Variants in SPMIP2 observed in about 807,000 individuals in gnomAD.
SPMIP2 encodes the protein protein SPMIP2.
At chr4:158,969,967 T>TAGACAGATAAGAAACTGGAGAACG in the SPMIP2 span, among the ~76,000 whole-genome samples, 1 of 151,830 alleles carries the variant, frequency 6.6e-6, no homozygotes, top group East Asian at 1.9e-4. Context: ...AAAGGGTCTA[T>TAGACAGATAAGAAACTGGAGAACG]AGACAGATAA....
At chr4:158,931,697 A>G in the SPMIP2 span, among the ~76,000 whole-genome samples, 19 of 151,796 alleles carry the variant, frequency 1.3e-4, no homozygotes, top group African/African-American at 3.9e-4. Flanking sequence ...CAAGTAGCTG[A>G]GACTACAGGT....
At chr4:158,952,587 GAA>G in the SPMIP2 span, among the ~76,000 whole-genome samples, 1 of 152,194 alleles carries the variant, frequency 6.6e-6, no homozygotes, top group Non-Finnish European at 1.5e-5. Context: ...GGGTGTTACT[GAA>G]AAGATACCCT....
chr4:159,060,278 G>C, the SPMIP2 span, among the ~76,000 whole-genome samples: 1 of 152,158 alleles, frequency 6.6e-6, no homozygotes, highest in Non-Finnish European at 1.5e-5. Flanking sequence ...GAGGCCTAGT[G>C]GGGAGGGGAG....
At chr4:159,004,484 T>C in the SPMIP2 span, among the ~76,000 whole-genome samples, 8 of 152,022 alleles carry the variant, frequency 5.3e-5, no homozygotes, top group South Asian at 1.7e-3. Context: ...AGAGACGGGG[T>C]TTTGCCATGT....
the SPMIP2 span, among the ~76,000 whole-genome samples, chr4:159,037,210 G>C: frequency 6.6e-6 from 1 of 152,116 alleles, no homozygotes; most frequent in East Asian, 1.9e-4. Context: ...CATTCTGATG[G>C]CAAAGGCTGG....
the SPMIP2 span, among the ~76,000 whole-genome samples, chr4:158,943,858 C>CTT: frequency 8.8e-5 from 9 of 101,910 alleles, no homozygotes; most frequent in South Asian, 1.4e-3. Flanking sequence ...TTGACATTTT[C>CTT]TTTTTTTTTT....
At chr4:158,975,701 C>T in the SPMIP2 span, among the ~76,000 whole-genome samples, 3 of 152,130 alleles carry the variant, frequency 2.0e-5, no homozygotes, top group African/African-American at 7.2e-5. Flanking sequence ...GGTTATGTAG[C>T]CTTGTACTAT....
chr4:158,922,219 G>T, the SPMIP2 span, among the ~76,000 whole-genome samples: 9 of 152,132 alleles, frequency 5.9e-5, no homozygotes, highest in Admixed American at 5.9e-4. Flanking sequence ...CTGCCTCCTT[G>T]TCTATAACCA....
At chr4:158,920,827 T>C in the SPMIP2 span, among the ~76,000 whole-genome samples, 1 of 152,206 alleles carries the variant, frequency 6.6e-6, no homozygotes, top group Non-Finnish European at 1.5e-5. Flanking sequence ...AAGCATGTGA[T>C]CTTTGTTCTG....
the SPMIP2 span, among the ~76,000 whole-genome samples, chr4:158,942,999 T>A: frequency 6.6e-6 from 1 of 152,346 alleles, no homozygotes; most frequent in East Asian, 1.9e-4. Flanking sequence ...ACATTAGTGA[T>A]GCTGTTTGAA....
At chr4:158,985,560 A>T in the SPMIP2 span, among the ~76,000 whole-genome samples, 1 of 152,238 alleles carries the variant, frequency 6.6e-6, no homozygotes, top group Non-Finnish European at 1.5e-5. Flanking sequence ...AGATGCAGAA[A>T]AGGCCTTTGA....
the SPMIP2 span, chr4:158,896,010 G>T: frequency 4.9e-6 from 3 of 616,256 alleles, no homozygotes; most frequent in Non-Finnish European, 8.9e-6. Flanking sequence ...ACGTGCCTCT[G>T]CAACTCCCCA....
chr4:159,055,556 G>A, the SPMIP2 span, among the ~76,000 whole-genome samples: 7 of 151,954 alleles, frequency 4.6e-5, no homozygotes, highest in Admixed American at 3.3e-4. Context: ...AAAAAAATAC[G>A]AAAATTAGCT....
the SPMIP2 span, among the ~76,000 whole-genome samples, chr4:158,971,395 A>G: frequency 1.3e-5 from 2 of 152,190 alleles, no homozygotes; most frequent in South Asian, 2.1e-4. Context: ...GAACCTAAGC[A>G]TTCATTATAC....
chr4:159,047,335 G>A, the SPMIP2 span, among the ~76,000 whole-genome samples: 447 of 152,018 alleles, frequency 2.9e-3, 1 homozygote, highest in African/African-American at 0.01. Context: ...ATTTGTGTCT[G>A]AAACCATATA....
chr4:159,060,413 G>A, the SPMIP2 span, among the ~76,000 whole-genome samples: 1 of 152,214 alleles, frequency 6.6e-6, no homozygotes, highest in Non-Finnish European at 1.5e-5. Context: ...GGCTGTTAAG[G>A]CAGATGTAAT....
the SPMIP2 span, among the ~76,000 whole-genome samples, chr4:159,033,599 A>AT: frequency 6.6e-6 from 1 of 152,190 alleles, no homozygotes; most frequent in Admixed American, 6.5e-5. Context: ...TTTGGAAATG[A>AT]ATAGAGTTTA....
At chr4:159,001,598 T>G in the SPMIP2 span, among the ~76,000 whole-genome samples, 1 of 152,196 alleles carries the variant, frequency 6.6e-6, no homozygotes, top group Admixed American at 6.5e-5. Flanking sequence ...CATGCAGTAT[T>G]TGGTTTTCTA....
chr4:159,006,714 TAAAGAC>T, the SPMIP2 span, among the ~76,000 whole-genome samples: 2 of 152,154 alleles, frequency 1.3e-5, no homozygotes, highest in African/African-American at 4.8e-5. Flanking sequence ...AAAAGAAACT[TAAAGAC>T]AGAGGTTTTA....
Sources: allele counts gnomAD v4.1 joint callset (sites outside exome capture counted in the v4.1 genomes callset), GRCh38; gene constraint gnomAD v4.1.1; transcripts MANE v1.5; gene names NCBI Gene and HGNC (gene_info 2026-07-23, HGNC 2026-07-21).